The following GPM6A variants were observed in gnomAD, a reference collection of about 807,000 sequenced individuals.
GPM6A encodes the protein glycoprotein M6A, also known as neuronal membrane glycoprotein M6-a.
GPM6A carries 7 observed loss-of-function variants against 32.1 expected under a neutral mutation model. The ratio of observed to expected loss-of-function variants is 0.22; its 90% CI spans 0.12 to 0.41. The LOEUF (loss-of-function observed/expected upper bound fraction) is 0.41. Among genes scored for constraint, GPM6A ranks in the 10% least tolerant of loss-of-function variants. The pLI is 1.00. For missense variants in GPM6A, 235 were observed against 347.2 expected (o/e 0.68, Z 2.57); for synonymous variants, 130 against 123.4 (o/e 1.05, Z -0.35).
At chr4:175,851,019 A>T (rs561725737) in intron 1 of GPM6A, among the ~76,000 whole-genome samples, 5 of 152,194 alleles carry the variant, frequency 3.3e-5, no homozygotes, top group African/African-American at 1.2e-4. Flanking sequence ...ACAGCATATC[A>T]CTGCAGCCCA....
intron 1 of GPM6A, among the ~76,000 whole-genome samples, chr4:175,757,604 A>G (rs1732578236): frequency 6.6e-6 from 1 of 152,208 alleles, no homozygotes; most frequent in South Asian, 2.1e-4. Flanking sequence ...TGTTCTCAAC[A>G]TAAAGTGTAT....
In GPM6A at chr4:175,728,731, T is replaced by C. The variant is rs372337594; in HGVS notation, c.38-26964A>G. On this transcript the variant is annotated intron_variant, in intron 1 of 6. Coordinates refer to ENST00000393658, the MANE Select transcript of GPM6A (RefSeq NM_201591.3). ...TAGGCTGAAAGCTGTTGGTGCCCTC[T>C]CCCTGTTGCATTTCCCCTAGCCCTT... 1.4e-4 allele frequency among the ~76,000 whole-genome samples: 22 copies of C among 152,308 alleles called. No homozygotes were observed. In the South Asian group the frequency reaches 4.3e-3, roughly 30 times the overall value.
intron 1 of GPM6A, among the ~76,000 whole-genome samples, chr4:175,719,503 T>C (rs193008045): frequency 7.9e-5 from 12 of 152,320 alleles, no homozygotes; most frequent in Non-Finnish European, 1.6e-4. Flanking sequence ...AAAATATGTA[T>C]GGACTAGAGA....
At position 175,643,844 on chromosome 4, in the gene GPM6A, T is replaced by G. The variant is rs1335072550; in HGVS notation, c.542-3015A>C. On this transcript the variant is annotated intron_variant, in intron 4 of 6. Coordinates refer to ENST00000393658, the MANE Select transcript of GPM6A (RefSeq NM_201591.3). ...GCAAAATGGCAGAGTGTAACTGATATATGACCTTCCTCTAGGAACACTCAA... is the reference window on the plus strand; with the variant it reads ...GCAAAATGGCAGAGTGTAACTGATAGATGACCTTCCTCTAGGAACACTCAA... Among the ~76,000 whole-genome samples the G allele has an allele frequency of 3.3e-5, 5 of 152,230 alleles. No individual in the cohort carries two copies. The East Asian group carries it at 9.7e-4, about 29-fold the overall frequency.
At chr4:175,636,258 C>CTA (rs1553967457) in intron 6 of GPM6A, among the ~76,000 whole-genome samples, 1 of 34,100 alleles carries the variant, frequency 2.9e-5, no homozygotes, top group African/African-American at 7.7e-5. Flanking sequence ...AGCATAATCA[C>CTA]TGTATATATA....
At chr4:176,002,388 AG>A, upstream of GPM6A, 1 of 1,551,644 alleles carries the variant, frequency 6.4e-7, no homozygotes, top group South Asian at 1.2e-5. Flanking sequence ...AAGTTCTCCA[AG>A]CCGCGCTGAG....
At chr4:175,661,119 C>T (rs989409957) in intron 3 of GPM6A, among the ~76,000 whole-genome samples, 2 of 152,084 alleles carry the variant, frequency 1.3e-5, no homozygotes, top group African/African-American at 4.8e-5. Context: ...TGTTATCTTT[C>T]TAAGTCAGAT....
chr4:175,831,745 G>A (rs1285802262), intron 1 of GPM6A, among the ~76,000 whole-genome samples: 7 of 46,150 alleles, frequency 1.5e-4, no homozygotes, highest in African/African-American at 4.1e-4. Context: ...TTTTGACGGA[G>A]GTTCACTTTT....
chr4:175,660,788 C>G (rs977999132), intron 3 of GPM6A, among the ~76,000 whole-genome samples: 2 of 152,066 alleles, frequency 1.3e-5, no homozygotes, highest in Non-Finnish European at 2.9e-5. Context: ...ATCAAGTAAA[C>G]TGTCATTGAA....
intron 1 of GPM6A, among the ~76,000 whole-genome samples, chr4:175,727,436 C>A (rs1459497606): frequency 3.3e-5 from 5 of 152,154 alleles, no homozygotes; most frequent in African/African-American, 4.8e-5. Context: ...ACAAATTCAT[C>A]TTGTCTGTAT....
At chr4:175,894,193 C>T (rs1390968238) in intron 1 of GPM6A, among the ~76,000 whole-genome samples, 3 of 152,062 alleles carry the variant, frequency 2.0e-5, no homozygotes, top group Admixed American at 2.0e-4. Context: ...AGATAGCAGA[C>T]CGTCCTCATG....
At chr4:175,857,740 GA>G (rs370680054) in intron 1 of GPM6A, among the ~76,000 whole-genome samples, 4,126 of 149,770 alleles carry the variant, frequency 0.028, 166 homozygotes, top group African/African-American at 0.093. Flanking sequence ...CTGAAAAAAA[GA>G]AAAAAAAAGC....
chr4:175,713,191 CTATTTTTATTTT>C (rs565653505), intron 1 of GPM6A, among the ~76,000 whole-genome samples: 5 of 151,896 alleles, frequency 3.3e-5, no homozygotes, highest in African/African-American at 7.3e-5. Flanking sequence ...ATGATAATCT[CTATTTTTATTTT>C]TATTTTTATT....
At chr4:175,973,952 G>T (rs984260183) in intron 1 of GPM6A, among the ~76,000 whole-genome samples, 1 of 152,024 alleles carries the variant, frequency 6.6e-6, no homozygotes, top group Non-Finnish European at 1.5e-5. Context: ...AAACAGCCTG[G>T]CCTGGCACAG....
intron 6 of GPM6A, among the ~76,000 whole-genome samples, chr4:175,636,297 T>TATATACAC (rs1491118582): frequency 1.5e-5 from 2 of 132,100 alleles, no homozygotes; most frequent in African/African-American, 5.7e-5. Context: ...TATATATATA[T>TATATACAC]ACATATATAT....
chr4:175,781,143 G>C (rs1471733475), intron 1 of GPM6A: 1 of 151,616 alleles, frequency 6.6e-6, no homozygotes, highest in East Asian at 1.9e-4. Flanking sequence ...AAAAAAAATA[G>C]AACAAAAAAG....
intron 1 of GPM6A, among the ~76,000 whole-genome samples, chr4:175,996,254 A>T (rs1741304280): frequency 6.6e-6 from 1 of 152,214 alleles, no homozygotes; most frequent in Non-Finnish European, 1.5e-5. Flanking sequence ...TTAATAATAA[A>T]AGGAGATTTA....
At chr4:175,970,130 T>C (rs1740456043) in intron 1 of GPM6A, among the ~76,000 whole-genome samples, 1 of 152,226 alleles carries the variant, frequency 6.6e-6, no homozygotes, top group Admixed American at 6.5e-5. Flanking sequence ...CTGAAAAATA[T>C]TTGGCAAATT....
chr4:175,654,750 T>C (rs1484422846), intron 3 of GPM6A, among the ~76,000 whole-genome samples: 1 of 152,104 alleles, frequency 6.6e-6, no homozygotes, highest in Non-Finnish European at 1.5e-5. Flanking sequence ...AAATCTTTTT[T>C]ATTAACATTT....
Sources: allele counts gnomAD v4.1 joint callset (sites outside exome capture counted in the v4.1 genomes callset), GRCh38; gene constraint gnomAD v4.1.1; transcripts MANE v1.5; gene names NCBI Gene and HGNC (gene_info 2026-07-23, HGNC 2026-07-21).